The following RSBN1L variants were observed in gnomAD, a reference collection of about 807,000 sequenced individuals.
RSBN1L encodes the protein lysine-specific demethylase RSBN1L.
In RSBN1L, 30 loss-of-function variants were observed where a neutral mutation model predicts 67.7. That is an observed-to-expected ratio of 0.44 (90% CI 0.33 to 0.60). The LOEUF is 0.60. Among genes scored for constraint, RSBN1L ranks in the 20% least tolerant of loss-of-function variants. RSBN1L has a pLI of 0.02. For synonymous variants in RSBN1L, 433 were observed against 387.0 expected, an observed-to-expected ratio of 1.12 and a Z score of -1.39; for missense variants, 992 against 1,031.7, an observed-to-expected ratio of 0.96 and a Z score of 0.53.
intron 1 of RSBN1L, among the ~76,000 whole-genome samples, chr7:77,723,750 A>G (rs1255888856): frequency 6.6e-6 from 1 of 152,142 alleles, no homozygotes; most frequent in African/African-American, 2.4e-5. Flanking sequence ...CCTGGCCAGC[A>G]TGGTGAAACC....
intron 1 of RSBN1L, among the ~76,000 whole-genome samples, chr7:77,731,642 G>A (rs1791273413): frequency 2.0e-5 from 3 of 152,166 alleles, no homozygotes; most frequent in Admixed American, 6.5e-5. Context: ...TTTTCTTATA[G>A]TCTGTGGCTT....
chr7:77,771,061 C>T (rs1791842535), intron 5 of RSBN1L, among the ~76,000 whole-genome samples: 1 of 152,138 alleles, frequency 6.6e-6, no homozygotes, highest in Admixed American at 6.5e-5. Flanking sequence ...CCTGCCTCAG[C>T]CTCCCGAGTA....
Position 77,696,981 on chromosome 7 carries a change from A to T in RSBN1L, c.512A>T (p.His171Leu), listed in dbSNP as rs1172527880. The part of the protein sequence containing the change: ...KEKREKERRR[H>L]GLGGAREAGG... Reference sequence around the variant, plus strand: ...AAGCGGGAGAAGGAGAGGAGGAGGCACGGTCTCGGTGGGGCCCGAGAGGCC... The same window carrying T: ...AAGCGGGAGAAGGAGAGGAGGAGGCTCGGTCTCGGTGGGGCCCGAGAGGCC... Residue 171 changes from histidine to leucine, a missense_variant, in exon 1 of 8, where the codon CAC becomes CTC. Physicochemically the swap from His to Leu is moderately conservative, Grantham distance 99 (BLOSUM62 -3). This residue lies in a region of RSBN1L where 575 missense variants were observed against 483.2 expected (regional missense o/e 1.19). Coordinates refer to ENST00000334955, the MANE Select transcript of RSBN1L (RefSeq NM_198467.3). 1 of 1,551,752 alleles carries T rather than the reference A, an allele frequency of 6.4e-7. No homozygotes were observed.
intron 1 of RSBN1L, among the ~76,000 whole-genome samples, chr7:77,704,179 C>A (rs961234775): frequency 6.6e-6 from 1 of 152,106 alleles, no homozygotes; most frequent in Admixed American, 6.5e-5. Context: ...CTCATGGTGT[C>A]CTGGTTTCTG....
chr7:77,752,055 C>G (rs10225586), intron 3 of RSBN1L, among the ~76,000 whole-genome samples: 87,468 of 152,116 alleles, frequency 0.58, 27,030 homozygotes, highest in African/African-American at 0.81. Flanking sequence ...TCTAAACTAT[C>G]TAATATGTAC....
rs780460148 is a variant in RSBN1L at position 77,736,463 on chromosome 7, A to G, written c.640A>G (p.Lys214Glu). ...AGACAAAGAAAAAGAAAGAGAAAAA[A>G]AGAAACATAAAGTAATGAATGAGAT... ...ERDKEKEREK[K>E]KHKVMNEIKK... The change falls in exon 2 of 8, where the codon AAG becomes GAG. Residue 214 changes from lysine to glutamate, a missense_variant. Coordinates refer to ENST00000334955, the MANE Select transcript of RSBN1L (RefSeq NM_198467.3). 1.7e-5 allele frequency: 20 copies of G among 1,197,152 alleles called. No individual in the cohort carries two copies. In the South Asian group the frequency reaches 2.7e-4, roughly 16 times the overall value. 74.2% of individuals were successfully genotyped at this position (1,197,152 alleles called of 1,614,324 possible).
Position 77,697,116 on chromosome 7 carries a change from C to A in RSBN1L, c.586+61C>A, listed in dbSNP as rs968304270. 2.3e-6 allele frequency: 3 copies of A among 1,305,706 alleles called. No individual in the cohort carries two copies. In the African/African-American group the frequency reaches 4.7e-5, roughly 20 times the overall value. The allele number at this position is 1,305,706 out of a possible 1,614,324, so 80.9% of individuals were successfully genotyped here. On this transcript the variant is annotated intron_variant, in intron 1 of 7. Transcript: ENST00000334955. ...CGTGGGTCCCCGCCGCCCCCTGGCG[C>A]CCACGGGGCCCGGGAAGGGGGAGCG...
chr7:77,743,436 T>TA lies in RSBN1L; in HGVS notation c.704-5981dup, dbSNP rs1791440610. On this transcript the variant is annotated intron_variant, in intron 2 of 7. Transcript: ENST00000334955. ...CAACATAGTGAGACCTTGTCTCTAT[T>TA]AAAAAAATAAATAAATAAGTTGGTT... Among the ~76,000 whole-genome samples, 4 of 147,124 alleles carry TA rather than the reference T, an allele frequency of 2.7e-5. No homozygotes were observed. In the South Asian group the frequency reaches 6.4e-4, roughly 24 times the overall value.
intron 2 of RSBN1L, among the ~76,000 whole-genome samples, chr7:77,745,913 C>G (rs1051555305): frequency 1.3e-5 from 2 of 152,188 alleles, no homozygotes; most frequent in African/African-American, 4.8e-5. Context: ...AGATTCCTCA[C>G]ATGCATGGTT....
intron 2 of RSBN1L, among the ~76,000 whole-genome samples, chr7:77,749,124 C>T (rs562833814): frequency 9.2e-4 from 140 of 152,132 alleles, no homozygotes; most frequent in Admixed American, 1.8e-3. Flanking sequence ...CATGGTGACG[C>T]GCTCCTGTAA....
In RSBN1L at chr7:77,699,901, A is replaced by G. The variant is rs191921799; in HGVS notation, c.586+2846A>G. Among the ~76,000 whole-genome samples, 589 of 152,090 alleles carry G rather than the reference A, an allele frequency of 3.9e-3. 4 individuals carry two copies. The highest frequency in any genetic ancestry group is 0.013 in the African/African-American group (549 of 41,478). On this transcript the variant is annotated intron_variant, in intron 1 of 7. Coordinates refer to ENST00000334955, the MANE Select transcript of RSBN1L (RefSeq NM_198467.3). ...AACCTCCGCCTCCCGGGTTCAAGCA[A>G]TTCTCCTGCCTCAGCCTCCCGAGTG...
intron 1 of RSBN1L, among the ~76,000 whole-genome samples, chr7:77,713,600 C>T (rs928515023): frequency 1.6e-4 from 24 of 152,086 alleles, no homozygotes; most frequent in African/African-American, 5.3e-4. Context: ...TCATGATCCA[C>T]CCACCTTGGC....
At chr7:77,738,297 G>A (rs1053123065) in intron 2 of RSBN1L, among the ~76,000 whole-genome samples, 11 of 152,060 alleles carry the variant, frequency 7.2e-5, no homozygotes, top group African/African-American at 1.2e-4. Flanking sequence ...CCTAAAAATT[G>A]AGATTTTTAA....
chr7:77,748,704 C>T lies in RSBN1L; in HGVS notation c.704-720C>T, dbSNP rs931942532. On this transcript the variant is annotated intron_variant, in intron 2 of 7. Coordinates refer to ENST00000334955, the MANE Select transcript of RSBN1L (RefSeq NM_198467.3). ...TTTGCTCTCTTGGGCGGGGTGGTCT[C>T]GAACTCCTGACCTCAAGCAATCCAC... Among the ~76,000 whole-genome samples the T allele has an allele frequency of 4.6e-5, 7 of 152,038 alleles. No homozygotes were observed. The South Asian group carries it at 8.3e-4, about 18-fold the overall frequency.
intron 2 of RSBN1L, among the ~76,000 whole-genome samples, chr7:77,746,667 T>G (rs1017440472): frequency 1.6e-4 from 24 of 152,198 alleles, no homozygotes; most frequent in African/African-American, 4.3e-4. Context: ...AAGTCTCATT[T>G]GAGACAAGGC....
chr7:77,772,847 G>A (rs1050270046), intron 5 of RSBN1L, among the ~76,000 whole-genome samples: 1 of 152,166 alleles, frequency 6.6e-6, no homozygotes, highest in Non-Finnish European at 1.5e-5. Context: ...AGATCTGAGT[G>A]GGGGCATGGT....
At chr7:77,736,055 A>G (rs1791332403) in intron 1 of RSBN1L, among the ~76,000 whole-genome samples, 1 of 152,158 alleles carries the variant, frequency 6.6e-6, no homozygotes, top group Admixed American at 6.5e-5. Flanking sequence ...TTATGCTGCT[A>G]ATCCATAGAT....
chr7:77,696,701 C>T lies in RSBN1L; in HGVS notation c.232C>T (p.Gln78Ter). Residue 78 changes from glutamine to a stop codon, truncating the protein, a stop_gained, in exon 1 of 8, where the codon CAG becomes TAG. Coordinates refer to ENST00000334955, the MANE Select transcript of RSBN1L (RefSeq NM_198467.3). LOFTEE classifies it high-confidence loss of function. ...QLQPPAAPSP[Q>*]SYGSPASWSF... ...GCAGCCGCCGGCAGCACCTTCGCCTCAGAGCTATGGCAGCCCCGCGTCTTG... is the reference window on the plus strand; with the variant it reads ...GCAGCCGCCGGCAGCACCTTCGCCTTAGAGCTATGGCAGCCCCGCGTCTTG... 1 of 1,613,356 alleles carries T rather than the reference C, an allele frequency of 6.2e-7. No homozygotes were observed.
rs145417454 is a variant in RSBN1L at position 77,768,652 on chromosome 7, T to A, written c.1483-9T>A. 2.5e-4 allele frequency: 396 copies of A among 1,607,946 alleles called. 1 individual carries two copies. The highest frequency in any genetic ancestry group is 3.1e-4 in the Non-Finnish European group (363 of 1,176,458). On this transcript the variant is annotated splice_polypyrimidine_tract_variant and intron_variant, in intron 4 of 7. Coordinates refer to ENST00000334955, the MANE Select transcript of RSBN1L (RefSeq NM_198467.3). Reference sequence around the variant, plus strand: ...AATAATTGCAATCTGCATAATTATTTATCTCCAGTGTACACTGCCATGGGG... The same window carrying A: ...AATAATTGCAATCTGCATAATTATTAATCTCCAGTGTACACTGCCATGGGG...
Sources: gnomAD v4.1 joint callset for allele counts (sites outside exome capture counted in the v4.1 genomes callset) on GRCh38, gnomAD v4.1.1 for gene constraint, gnomAD v4.1.1 regional missense constraint, MANE v1.5 for transcripts, NCBI Gene and HGNC (gene_info 2026-07-23, HGNC 2026-07-21) for gene names.